The following RBFOX2 variants were observed in gnomAD, a reference collection of about 807,000 sequenced individuals.
The protein encoded by RBFOX2 is RNA binding protein fox-1 homolog 2.
Under a neutral mutation model 49.1 loss-of-function variants are expected in RBFOX2, and 10 were observed. That is an observed-to-expected ratio of 0.20 (90% confidence interval 0.13 to 0.35). RBFOX2 has a LOEUF of 0.35. RBFOX2 is among the 10% of genes least tolerant of loss of function. The probability of loss-of-function intolerance (pLI) is 1.00; values close to 1 mark genes in which losing one functional copy is unlikely to be tolerated. For synonymous variants in RBFOX2, 183 were observed against 187.4 expected, an observed-to-expected ratio of 0.98 and a Z score of 0.19; for missense variants, 323 against 486.9, an observed-to-expected ratio of 0.66 and a Z score of 3.17.
At chr22:35,886,770 A>G (rs979978565) in intron 1 of RBFOX2, among the ~76,000 whole-genome samples, 8 of 152,236 alleles carry the variant, frequency 5.3e-5, no homozygotes, top group African/African-American at 1.9e-4. Context: ...TGACTGATGC[A>G]TTGAACTGCA....
intron 1 of RBFOX2, among the ~76,000 whole-genome samples, chr22:35,946,228 A>G (rs2054262089): frequency 2.0e-5 from 3 of 152,212 alleles, no homozygotes; most frequent in Admixed American, 6.5e-5. Context: ...GTAGGTATGA[A>G]AGAGAACCCA....
chr22:35,971,334 T>G (rs768387727), intron 1 of RBFOX2, among the ~76,000 whole-genome samples: 1 of 152,158 alleles, frequency 6.6e-6, no homozygotes, highest in Non-Finnish European at 1.5e-5. Context: ...ATGTTATATT[T>G]TGAACCATTC....
chr22:35,779,704 G>GAA (rs1944698815), intron 3 of RBFOX2, among the ~76,000 whole-genome samples: 1 of 152,218 alleles, frequency 6.6e-6, no homozygotes, highest in South Asian at 2.1e-4. Flanking sequence ...TCAAGTTTAT[G>GAA]AAGCTAATGA....
intron 1 of RBFOX2, among the ~76,000 whole-genome samples, chr22:35,847,320 T>C (rs969228002): frequency 3.9e-5 from 6 of 152,208 alleles, no homozygotes; most frequent in Admixed American, 1.3e-4. Context: ...TCACTTTGTT[T>C]CATTAACTCA....
intron 8 of RBFOX2, among the ~76,000 whole-genome samples, chr22:35,760,477 AT>A (rs1938394918): frequency 1.3e-5 from 2 of 152,246 alleles, no homozygotes; most frequent in African/African-American, 4.8e-5. Flanking sequence ...TCAAAAGAAC[AT>A]TCTTTTTATA....
Position 36,017,453 on chromosome 22 carries a change from G to A in RBFOX2, c.186+10787C>T, listed in dbSNP as rs1350435110. On this transcript the variant is annotated intron_variant, in intron 1 of 13. Transcript: ENST00000438146. ...TGAGGTAGGAGAATTGTTTGAACCC[G>A]GGAGGCGGAGGTTGCAGTGAGCCGA... Among the ~76,000 whole-genome samples, 7 of 152,056 alleles carry A rather than the reference G, an allele frequency of 4.6e-5. No individual in the cohort carries two copies. The South Asian group carries it at 6.2e-4, about 14-fold the overall frequency.
At chr22:35,908,606 G>A (rs1464678572) in intron 1 of RBFOX2, among the ~76,000 whole-genome samples, 4 of 152,268 alleles carry the variant, frequency 2.6e-5, no homozygotes, top group African/African-American at 9.6e-5. Context: ...TCAGAAAACT[G>A]TTAAGCAGAA....
intron 2 of RBFOX2, among the ~76,000 whole-genome samples, chr22:35,801,095 A>C (rs1305356742): frequency 6.6e-6 from 1 of 152,194 alleles, no homozygotes; most frequent in East Asian, 1.9e-4. Flanking sequence ...AGAATTCCCC[A>C]TCTGTAAAAA....
chr22:35,822,648 T>G (rs1479679919), intron 1 of RBFOX2, among the ~76,000 whole-genome samples: 1 of 152,212 alleles, frequency 6.6e-6, no homozygotes, highest in Non-Finnish European at 1.5e-5. Context: ...GCAGGCTTTG[T>G]GTTAGTGTAA....
intron 1 of RBFOX2, chr22:35,840,078 CT>C: frequency 7.2e-7 from 1 of 1,388,042 alleles, no homozygotes. Flanking sequence ...TAAATCTGGT[CT>C]GTTCTAAGAA....
intron 1 of RBFOX2, among the ~76,000 whole-genome samples, chr22:35,863,178 T>C (rs2043290293): frequency 6.6e-6 from 1 of 152,186 alleles, no homozygotes; most frequent in Non-Finnish European, 1.5e-5. Context: ...TAAATATTTG[T>C]AACATTTTAC....
intron 5 of RBFOX2, 97 bp downstream of exon 6, chr22:35,768,160 C>T: frequency 7.6e-7 from 1 of 1,317,982 alleles, no homozygotes; most frequent in Non-Finnish European, 1.1e-6. Context: ...TGCACACGCA[C>T]ACATAAGACA....
chr22:35,836,650 C>T (rs1254001790), intron 1 of RBFOX2, among the ~76,000 whole-genome samples: 1 of 152,170 alleles, frequency 6.6e-6, no homozygotes, highest in Non-Finnish European at 1.5e-5. Context: ...CTGAGCTGTC[C>T]AAGAAAGGGA....
chr22:35,829,589 GACCTAAAAGAATAGTGA>G (rs995216907), intron 1 of RBFOX2, among the ~76,000 whole-genome samples: 3 of 152,108 alleles, frequency 2.0e-5, no homozygotes, highest in African/African-American at 7.2e-5. Flanking sequence ...GAGGGAAAAA[GACCTAAAAGAATAGTGA>G]GCCTTGAAAA....
At chr22:35,857,115 G>A (rs6000015) in intron 1 of RBFOX2, among the ~76,000 whole-genome samples, 70 of 152,318 alleles carry the variant, frequency 4.6e-4, no homozygotes, top group African/African-American at 1.7e-3. Context: ...TGGGTAGGTG[G>A]TGGCAAATGA....
chr22:35,943,503 T>A (rs559031683), upstream of RBFOX2, among the ~76,000 whole-genome samples: 1 of 152,260 alleles, frequency 6.6e-6, no homozygotes, highest in African/African-American at 2.4e-5. Context: ...ACCGTAAGAA[T>A]CTTTATTAAC....
intron 4 of RBFOX2, among the ~76,000 whole-genome samples, chr22:35,771,346 T>G (rs1942625252): frequency 6.6e-6 from 1 of 152,156 alleles, no homozygotes; most frequent in Non-Finnish European, 1.5e-5. Context: ...CATTGCTGGC[T>G]CTGAAGACAG....
At chr22:36,028,534 C>G (rs1440751504) in exon 1 of RBFOX2, 1 of 963,734 alleles carries the variant, frequency 1.0e-6, no homozygotes, top group South Asian at 4.8e-5. Context: ...CTGCCCCCGC[C>G]CCCGCGTGCG....
At chr22:35,941,410 C>T (rs2053674984), upstream of RBFOX2, among the ~76,000 whole-genome samples, 1 of 152,108 alleles carries the variant, frequency 6.6e-6, no homozygotes, top group Admixed American at 6.5e-5. Flanking sequence ...AAATATATTT[C>T]CTATCACTGG....
Sources: gnomAD v4.1 joint callset for allele counts (sites outside exome capture counted in the v4.1 genomes callset) on GRCh38, gnomAD v4.1.1 for gene constraint, MANE v1.5 for transcripts, NCBI Gene and HGNC (gene_info 2026-07-23, HGNC 2026-07-21) for gene names.